The following DPYD variants were observed in gnomAD, a reference collection of about 807,000 sequenced individuals.
DPYD encodes the protein dihydropyrimidine dehydrogenase.
DPYD carries 109 observed loss-of-function variants against 116.2 expected under a neutral mutation model. The ratio of observed to expected loss-of-function variants is 0.94; its 90% confidence interval spans 0.80 to 1.10. The LOEUF (loss-of-function observed/expected upper bound fraction) is 1.10. Among genes scored for constraint, DPYD ranks in the 50% least tolerant of loss-of-function variants. DPYD has a pLI of 0.00. For synonymous variants in DPYD, 440 were observed against 432.0 expected, an observed-to-expected ratio of 1.02 and a Z score of -0.23; for missense variants, 1,302 against 1,254.5, an observed-to-expected ratio of 1.04 and a Z score of -0.57.
At chr1:97,887,388 T>C (rs1672550553) in intron 1 of DPYD, among the ~76,000 whole-genome samples, 1 of 146,820 alleles carries the variant, frequency 6.8e-6, no homozygotes, top group Non-Finnish European at 1.5e-5. Flanking sequence ...GAGGATCGCT[T>C]GAGCCTGGGA....
At position 97,450,096 on chromosome 1, in the gene DPYD, T is replaced by G; in HGVS notation, c.1868A>C (p.Gln623Pro). The G allele has an allele frequency of 6.2e-7, 1 of 1,613,994 alleles. No individual in the cohort carries two copies. The highest frequency in any genetic ancestry group is 8.5e-7 in the Non-Finnish European group (1 of 1,179,910). Residue 623 changes from glutamine to proline, a missense_variant, in exon 14 of 23, where the codon CAA (glutamine) becomes CCA (proline). Gln to Pro is a moderately conservative substitution (Grantham distance 76). Coordinates refer to ENST00000370192, the MANE Select transcript of DPYD (RefSeq NM_000110.4). ...ISEKTAAYWCQSVTELKADFP... is the reference protein window; with the variant it reads ...ISEKTAAYWCPSVTELKADFP... ...GTCAGCCTTTAGTTCAGTGACACTT[T>G]GACACCAATATGCAGCCGTTTTCTC...
At chr1:97,725,182 G>A (rs965358313) in intron 4 of DPYD, among the ~76,000 whole-genome samples, 35 of 151,370 alleles carry the variant, frequency 2.3e-4, no homozygotes, top group African/African-American at 8.5e-4. Flanking sequence ...ATAAAATCAA[G>A]ACAGTAATTC....
chr1:97,491,700 T>C (rs545880765), intron 13 of DPYD, among the ~76,000 whole-genome samples: 15 of 152,102 alleles, frequency 9.9e-5, no homozygotes, highest in Admixed American at 2.0e-4. Flanking sequence ...ATAAACAATA[T>C]GAAAATATTT....
intron 19 of DPYD, among the ~76,000 whole-genome samples, chr1:97,211,722 A>C (rs924595223): frequency 6.6e-6 from 1 of 152,164 alleles, no homozygotes; most frequent in Non-Finnish European, 1.5e-5. Flanking sequence ...CATGGAACAC[A>C]CTTGAGAAAT....
At chr1:97,524,092 T>C (rs558024633) in intron 12 of DPYD, among the ~76,000 whole-genome samples, 1 of 151,718 alleles carries the variant, frequency 6.6e-6, no homozygotes, top group East Asian at 1.9e-4. Context: ...AGGGTTGAAG[T>C]TTTAAAACCT....
chr1:97,885,811 T>G (rs1249827680), intron 1 of DPYD, among the ~76,000 whole-genome samples: 1 of 152,102 alleles, frequency 6.6e-6, no homozygotes, highest in Admixed American at 6.6e-5. Context: ...AGATGAGGGC[T>G]ATATTTAAAA....
intron 3 of DPYD, among the ~76,000 whole-genome samples, chr1:97,823,332 A>G (rs891769909): frequency 2.0e-5 from 3 of 151,834 alleles, no homozygotes; most frequent in Admixed American, 2.0e-4. Context: ...TTTTTTGCAT[A>G]TTTAGTAGAG....
intron 8 of DPYD, among the ~76,000 whole-genome samples, chr1:97,669,696 G>A (rs1659753528): frequency 2.6e-5 from 4 of 152,026 alleles, no homozygotes; most frequent in Admixed American, 1.3e-4. Context: ...AACGAAAGAT[G>A]GCATAGCTTA....
At chr1:97,890,889 TA>T (rs1387434320) in intron 1 of DPYD, among the ~76,000 whole-genome samples, 1 of 151,984 alleles carries the variant, frequency 6.6e-6, no homozygotes, top group African/African-American at 2.4e-5. Context: ...ATTGGCTACT[TA>T]TCACAGCTAC....
intron 13 of DPYD, among the ~76,000 whole-genome samples, chr1:97,475,822 C>T (rs1677929675): frequency 6.8e-6 from 1 of 147,054 alleles, no homozygotes; most frequent in Non-Finnish European, 1.5e-5. Flanking sequence ...TGGCCTAATC[C>T]TCCTTGGCCT....
chr1:97,763,678 A>G (rs1279666018), intron 3 of DPYD, among the ~76,000 whole-genome samples: 1 of 152,060 alleles, frequency 6.6e-6, no homozygotes, highest in East Asian at 1.9e-4. Context: ...TAGTTCTTGC[A>G]TAGGGGTAAA....
intron 8 of DPYD, among the ~76,000 whole-genome samples, chr1:97,618,542 ATT>A (rs890424835): frequency 2.0e-5 from 3 of 151,918 alleles, no homozygotes; most frequent in African/African-American, 7.3e-5. Context: ...TGCCCGGTTA[ATT>A]TTTTTGTATA....
intron 16 of DPYD, among the ~76,000 whole-genome samples, chr1:97,362,938 G>C (rs55676874): frequency 0.055 from 8,320 of 152,068 alleles, 326 homozygotes; most frequent in East Asian, 0.17. Flanking sequence ...GCAACAGAAG[G>C]CAAAATTGAC....
intron 13 of DPYD, among the ~76,000 whole-genome samples, chr1:97,452,505 A>G (rs1244010128): frequency 6.6e-6 from 1 of 152,098 alleles, no homozygotes; most frequent in African/African-American, 2.4e-5. Context: ...TCTGCTGCTG[A>G]ACAGACCAGT....
chr1:97,290,265 G>A (rs1054690033), intron 18 of DPYD, among the ~76,000 whole-genome samples: 2 of 152,018 alleles, frequency 1.3e-5, no homozygotes, highest in Non-Finnish European at 2.9e-5. Flanking sequence ...ACTGCCCAAG[G>A]TAATTTACAG....
chr1:97,396,957 A>G (rs2101620900), intron 14 of DPYD, among the ~76,000 whole-genome samples: 1 of 152,090 alleles, frequency 6.6e-6, no homozygotes, highest in South Asian at 2.1e-4. Context: ...ACTGTGTCAG[A>G]TAGATGTTTA....
intron 16 of DPYD, among the ~76,000 whole-genome samples, chr1:97,346,077 T>A (rs1669826865): frequency 6.6e-6 from 1 of 151,900 alleles, no homozygotes; most frequent in Non-Finnish European, 1.5e-5. Context: ...CCAAAGAACA[T>A]ATAATTTAGT....
intron 3 of DPYD, among the ~76,000 whole-genome samples, chr1:97,822,278 T>G (rs536542243): frequency 6.7e-6 from 1 of 148,980 alleles, no homozygotes; most frequent in African/African-American, 2.4e-5. Flanking sequence ...TAAATATATG[T>G]AAATCTGTGT....
intron 14 of DPYD, among the ~76,000 whole-genome samples, chr1:97,408,854 C>G (rs1247211638): frequency 6.6e-6 from 1 of 152,146 alleles, no homozygotes; most frequent in Non-Finnish European, 1.5e-5. Flanking sequence ...TGGACACTTC[C>G]TGCCCTCCAA....
Sources: allele counts gnomAD v4.1 joint callset (sites outside exome capture counted in the v4.1 genomes callset), GRCh38; gene constraint gnomAD v4.1.1; transcripts MANE v1.5; gene names NCBI Gene and HGNC (gene_info 2026-07-23, HGNC 2026-07-21).